PCDH15: variants seen among roughly 807,000 people sequenced by gnomAD.
The protein encoded by PCDH15 is protocadherin-15.
In PCDH15, 129 loss-of-function variants were observed where a neutral mutation model predicts 178.5. That is an observed-to-expected ratio of 0.72 (90% CI 0.63 to 0.84). The LOEUF is 0.84. Ranked by LOEUF, PCDH15 falls within the 40% of genes least tolerant of loss-of-function variation. The pLI, the probability that PCDH15 is intolerant of heterozygous loss-of-function variation, is 0.00. For missense variants in PCDH15, 2,230 were observed against 2,099.9 expected (o/e 1.06, Z -1.21); for synonymous variants, 800 against 732.0 (o/e 1.09, Z -1.50).
chr10:54,676,260 A>C (rs2094788117), intron 1 of PCDH15, among the ~76,000 whole-genome samples: 3 of 152,022 alleles, frequency 2.0e-5, no homozygotes, highest in Non-Finnish European at 4.4e-5. Flanking sequence ...GTAAGTTAAA[A>C]CTTATGGTTT....
intron 2 of PCDH15, among the ~76,000 whole-genome samples, chr10:55,518,668 C>A (rs1841079026): frequency 6.6e-6 from 1 of 151,920 alleles, no homozygotes; most frequent in African/African-American, 2.4e-5. Flanking sequence ...AAAGCAGACT[C>A]AGGGGATATG....
chr10:53,909,341 G>T (rs957024857), intron 25 of PCDH15, among the ~76,000 whole-genome samples: 1 of 152,110 alleles, frequency 6.6e-6, no homozygotes, highest in Non-Finnish European at 1.5e-5. Context: ...CCCAGTCTCG[G>T]TTATTTCTTT....
At chr10:54,792,027 T>C (rs181173840) in intron 1 of PCDH15, among the ~76,000 whole-genome samples, 4 of 151,796 alleles carry the variant, frequency 2.6e-5, no homozygotes, top group Non-Finnish European at 5.9e-5. Flanking sequence ...AAGAACAAGG[T>C]GAACTGGCTA....
chr10:54,289,023 A>G (rs1323965610), intron 8 of PCDH15, among the ~76,000 whole-genome samples: 1 of 152,242 alleles, frequency 6.6e-6, no homozygotes, highest in Non-Finnish European at 1.5e-5. Context: ...TTCTCCCAGC[A>G]TGGCATTTGG....
chr10:55,374,450 C>T (rs1412830945), intron 2 of PCDH15, among the ~76,000 whole-genome samples: 1 of 152,032 alleles, frequency 6.6e-6, no homozygotes, highest in East Asian at 1.9e-4. Flanking sequence ...GACTCCATTA[C>T]CAAGATGCAG....
chr10:54,891,618 T>C (rs1394339817), intron 3 of PCDH15, among the ~76,000 whole-genome samples: 1 of 152,142 alleles, frequency 6.6e-6, no homozygotes, highest in East Asian at 1.9e-4. Context: ...CCTTTGAGAA[T>C]TCTGAAAGCC....
At chr10:54,177,355 G>GATATATGTC (rs2047535476) in intron 13 of PCDH15, among the ~76,000 whole-genome samples, 1 of 152,070 alleles carries the variant, frequency 6.6e-6, no homozygotes, top group Non-Finnish European at 1.5e-5. Context: ...TATAATGGTG[G>GATATATGTC]ATATATGTCA....
intron 3 of PCDH15, among the ~76,000 whole-genome samples, chr10:54,820,532 A>C (rs900341205): frequency 1.3e-5 from 2 of 152,054 alleles, no homozygotes; most frequent in African/African-American, 4.8e-5. Context: ...ATAATAAATA[A>C]ATTTTAAATT....
At chr10:53,832,717 A>G (rs189422383) in intron 29 of PCDH15, among the ~76,000 whole-genome samples, 1 of 151,078 alleles carries the variant, frequency 6.6e-6, no homozygotes, top group Admixed American at 6.6e-5. Flanking sequence ...TTATCAAAAT[A>G]TAATCAATGC....
At chr10:54,867,782 C>T (rs1225137109) in intron 3 of PCDH15, among the ~76,000 whole-genome samples, 1 of 152,022 alleles carries the variant, frequency 6.6e-6, no homozygotes, top group East Asian at 1.9e-4. Context: ...TGAAGTTGGC[C>T]CTCCAATATC....
chr10:54,022,816 C>A (rs1035732950), intron 19 of PCDH15, 76 bp downstream of exon 19: 2 of 1,444,642 alleles, frequency 1.4e-6, no homozygotes, highest in Non-Finnish European at 1.9e-6. Flanking sequence ...TTGTTACTTG[C>A]TAATTTTGGC....
chr10:53,891,844 C>G (rs1250935569), intron 26 of PCDH15, among the ~76,000 whole-genome samples: 2 of 151,488 alleles, frequency 1.3e-5, no homozygotes, highest in Non-Finnish European at 2.9e-5. Flanking sequence ...TGGCTTTCAC[C>G]TGTAATCCCA....
At chr10:54,834,515 C>T (rs189400916) in intron 3 of PCDH15, among the ~76,000 whole-genome samples, 1 of 150,386 alleles carries the variant, frequency 6.6e-6, no homozygotes, top group South Asian at 2.1e-4. Context: ...TAATAATTTG[C>T]AAAACTCACA....
chr10:53,853,108 G>A (rs1401132749), intron 28 of PCDH15, among the ~76,000 whole-genome samples: 2 of 150,992 alleles, frequency 1.3e-5, no homozygotes, highest in Admixed American at 1.3e-4. Context: ...TTCTGCTTAA[G>A]AAAACTCTAA....
rs1841205989 is a variant in PCDH15, at chr10:53,806,885, G to GTC, written c.4915_4916dup (p.Asp1639GlufsTer6). 6.2e-7 allele frequency: 1 copy of GTC among 1,613,730 alleles called. No individual in the cohort carries two copies. Among genetic ancestry groups the GTC allele is most frequent in the Admixed American group, 1.7e-5 (1 of 59,976 alleles). On this transcript the variant is annotated frameshift_variant, in exon 38 of 38. Transcript: ENST00000644397. LOFTEE classifies it high-confidence loss of function. The stretch of plus-strand genomic sequence containing the variant: ...TCTCCTCATGTGTCACTGCCAACTT[G>GTC]TCTAGTTTCTTAAAGGGCCCTCCCA...
At chr10:53,838,187 G>C (rs2077423496) in intron 29 of PCDH15, among the ~76,000 whole-genome samples, 1 of 151,836 alleles carries the variant, frequency 6.6e-6, no homozygotes. Flanking sequence ...GTGTTAGCCA[G>C]GATGGTCTCG....
chr10:54,562,745 G>A (rs2088381785), intron 2 of PCDH15, among the ~76,000 whole-genome samples: 1 of 152,048 alleles, frequency 6.6e-6, no homozygotes, highest in African/African-American at 2.4e-5. Context: ...GAGAGGTAGA[G>A]TTTCATGTAT....
Position 54,475,236 on chromosome 10 carries a change from T to C in PCDH15, c.157+52576A>G, listed in dbSNP as rs139024601. ...ACATTTCAGTAACGACTAATGCCAG[T>C]GATTATTGCACTGTATGGAAGTTGC... On this transcript the variant is annotated intron_variant, in intron 3 of 37. Coordinates refer to ENST00000644397, the MANE Select transcript of PCDH15 (RefSeq NM_001384140.1). Among the ~76,000 whole-genome samples the C allele has an allele frequency of 4.6e-5, 7 of 152,118 alleles. No homozygotes were observed. In the East Asian group the frequency reaches 1.2e-3, roughly 25 times the overall value.
chr10:54,533,406 T>C (rs1482063601), intron 2 of PCDH15, among the ~76,000 whole-genome samples: 1 of 151,978 alleles, frequency 6.6e-6, no homozygotes, highest in African/African-American at 2.4e-5. Context: ...GTGTAGATAA[T>C]TCTGCAAGAA....
Sources: gnomAD v4.1 joint callset for allele counts (sites outside exome capture counted in the v4.1 genomes callset) on GRCh38, gnomAD v4.1.1 for gene constraint, MANE v1.5 for transcripts, NCBI Gene and HGNC (gene_info 2026-07-23, HGNC 2026-07-21) for gene names.